The following BAZ2B variants were observed in gnomAD, a reference collection of about 807,000 sequenced individuals.
The protein encoded by BAZ2B is bromodomain adjacent to zinc finger domain protein 2B.
In BAZ2B, 91 loss-of-function variants were observed where a neutral mutation model predicts 246.0. The ratio of observed to expected loss-of-function variants is 0.37; its 90% CI spans 0.31 to 0.44. BAZ2B has a LOEUF of 0.44. Among genes scored for constraint, BAZ2B ranks in the 20% least tolerant of loss-of-function variants. The pLI is 1.00. For synonymous variants in BAZ2B, 855 were observed against 860.0 expected (o/e 0.99, Z 0.10); for missense variants, 2,332 against 2,533.7 (o/e 0.92, Z 1.71).
At chr2:159,536,562 C>G (rs889175917) in intron 2 of BAZ2B, among the ~76,000 whole-genome samples, 1 of 152,102 alleles carries the variant, frequency 6.6e-6, no homozygotes, top group African/African-American at 2.4e-5. Flanking sequence ...GAGATAGCTA[C>G]CACGATGGTT....
chr2:159,380,463 T>C (rs2061867593), intron 25 of BAZ2B, among the ~76,000 whole-genome samples: 1 of 152,216 alleles, frequency 6.6e-6, no homozygotes, highest in South Asian at 2.1e-4. Context: ...ACTCTCCTTT[T>C]TGCAATGTTT....
chr2:159,525,086 T>A (rs1196267888), intron 2 of BAZ2B, among the ~76,000 whole-genome samples: 1 of 152,070 alleles, frequency 6.6e-6, no homozygotes, highest in Non-Finnish European at 1.5e-5. Flanking sequence ...AATAAAGTAC[T>A]CTGAGAGCAA....
chr2:159,604,740 T>C (rs771575397), intron 1 of BAZ2B, among the ~76,000 whole-genome samples: 1 of 152,074 alleles, frequency 6.6e-6, no homozygotes, highest in Non-Finnish European at 1.5e-5. Flanking sequence ...TAGATAAATG[T>C]TGATGGGAAG....
At chr2:159,688,974 A>T in the BAZ2B span, among the ~76,000 whole-genome samples, 1 of 152,136 alleles carries the variant, frequency 6.6e-6, no homozygotes, top group Non-Finnish European at 1.5e-5. Context: ...TGTCCATTGT[A>T]TAGTTGCTAT....
At chr2:159,503,883 T>C (rs976424224) in intron 2 of BAZ2B, among the ~76,000 whole-genome samples, 1 of 152,148 alleles carries the variant, frequency 6.6e-6, no homozygotes, top group Non-Finnish European at 1.5e-5. Context: ...GCCTGGCCGA[T>C]ATCTGGCTTC....
At chr2:159,515,697 A>C (rs1321239581) in intron 2 of BAZ2B, among the ~76,000 whole-genome samples, 2 of 152,134 alleles carry the variant, frequency 1.3e-5, no homozygotes, top group African/African-American at 4.8e-5. Flanking sequence ...CCAAGACCAC[A>C]GATGGAGTGA....
chr2:159,617,646 A>G (rs1696239515), upstream of BAZ2B, among the ~76,000 whole-genome samples: 2 of 152,168 alleles, frequency 1.3e-5, no homozygotes, highest in East Asian at 1.9e-4. Flanking sequence ...ACATATGTGG[A>G]TAAATGTATC....
the BAZ2B span, among the ~76,000 whole-genome samples, chr2:159,661,508 CT>C: frequency 1.3e-5 from 2 of 152,044 alleles, no homozygotes; most frequent in Non-Finnish European, 2.9e-5. Context: ...GCTTTTTAAG[CT>C]TTTTAAAGCC....
chr2:159,663,494 C>T, the BAZ2B span, among the ~76,000 whole-genome samples: 54 of 150,338 alleles, frequency 3.6e-4, no homozygotes, highest in Non-Finnish European at 2.7e-4. Flanking sequence ...TAAGCCACCA[C>T]GCACAGCCTG....
In BAZ2B at chr2:159,350,338, T is replaced by G; in HGVS notation, c.4233A>C (p.Lys1411Asn). 2.6e-6 allele frequency: 4 copies of G among 1,557,178 alleles called. No homozygotes were observed. In the Admixed American group the frequency reaches 8.1e-5, roughly 31 times the overall value. ...CTGCCTTTTTCAGTTTTTCTCTTTCTTTTGCAATTTCTTCTAGTCCTACAA... is the reference window on the plus strand; with the variant it reads ...CTGCCTTTTTCAGTTTTTCTCTTTCGTTTGCAATTTCTTCTAGTCCTACAA... Reference protein sequence around the residue: ...ESGEGLEEIAKEREKLKKAES... With the variant: ...ESGEGLEEIANEREKLKKAES... The change falls in exon 28 of 37, where the codon AAA becomes AAC. Residue 1411 changes from lysine to asparagine, a missense_variant. Lys to Asn is a moderately conservative substitution (Grantham distance 94). Around this residue, in one of 9 missense-constraint regions of BAZ2B, gnomAD observed 676 missense variants for 668.6 expected, o/e 1.01. Coordinates refer to ENST00000392783, the MANE Select transcript of BAZ2B (RefSeq NM_013450.4).
intron 2 of BAZ2B, among the ~76,000 whole-genome samples, chr2:159,551,394 G>C (rs957071829): frequency 6.7e-6 from 1 of 149,434 alleles, no homozygotes; most frequent in East Asian, 2.0e-4. Context: ...GTGTGAACCC[G>C]GGAGGTGAAC....
intron 4 of BAZ2B, among the ~76,000 whole-genome samples, chr2:159,452,920 C>T (rs566468802): frequency 1.5e-4 from 23 of 152,038 alleles, no homozygotes; most frequent in African/African-American, 5.3e-4. Context: ...GCCAACATGG[C>T]GAAACCCCGT....
At chr2:159,367,767 A>G (rs2060376066) in intron 27 of BAZ2B, among the ~76,000 whole-genome samples, 1 of 152,130 alleles carries the variant, frequency 6.6e-6, no homozygotes, top group African/African-American at 2.4e-5. Flanking sequence ...AGACGCCTGT[A>G]GTCCCAGCTA....
At chr2:159,607,688 A>G (rs1368113359) in intron 1 of BAZ2B, among the ~76,000 whole-genome samples, 2 of 152,336 alleles carry the variant, frequency 1.3e-5, no homozygotes, top group African/African-American at 4.8e-5. Context: ...CTCTAGCTCT[A>G]TATTTGTTCT....
At chr2:159,422,917 C>A (rs1656972225) in intron 13 of BAZ2B, among the ~76,000 whole-genome samples, 1 of 152,072 alleles carries the variant, frequency 6.6e-6, no homozygotes, top group Non-Finnish European at 1.5e-5. Context: ...AAAAAAGATA[C>A]ATGGAGCCAA....
chr2:159,427,072 T>C (rs1255388848), intron 13 of BAZ2B, among the ~76,000 whole-genome samples: 4 of 152,114 alleles, frequency 2.6e-5, no homozygotes, highest in Admixed American at 2.6e-4. Flanking sequence ...AGAAGTGTAA[T>C]TATAATCGTT....
At chr2:159,462,937 C>A (rs1332963550) in intron 3 of BAZ2B, 1 of 1,349,354 alleles carries the variant, frequency 7.4e-7, no homozygotes, top group Non-Finnish European at 1.1e-6. Flanking sequence ...GGCTGGGGGT[C>A]ACTTGCTTTT....
intron 13 of BAZ2B, among the ~76,000 whole-genome samples, chr2:159,415,626 G>A (rs1276571622): frequency 6.6e-6 from 1 of 152,046 alleles, no homozygotes; most frequent in Non-Finnish European, 1.5e-5. Flanking sequence ...CAGTATGAAG[G>A]TTAAGGAAAT....
intron 13 of BAZ2B, among the ~76,000 whole-genome samples, chr2:159,427,410 T>C (rs1345627789): frequency 6.6e-6 from 1 of 152,068 alleles, no homozygotes; most frequent in Non-Finnish European, 1.5e-5. Flanking sequence ...ATGTAAAAAC[T>C]GAATTTCTGC....
Sources: gnomAD v4.1 joint callset for allele counts (sites outside exome capture counted in the v4.1 genomes callset) on GRCh38, gnomAD v4.1.1 for gene constraint, gnomAD v4.1.1 regional missense constraint, MANE v1.5 for transcripts, NCBI Gene and HGNC (gene_info 2026-07-23, HGNC 2026-07-21) for gene names.